The following LRRIQ1 variants were observed in gnomAD, a reference collection of about 807,000 sequenced individuals.
The protein encoded by LRRIQ1 is leucine rich repeats and IQ motif containing 1.
LRRIQ1 carries 210 observed loss-of-function variants against 211.9 expected under a neutral mutation model. The ratio of observed to expected loss-of-function variants is 0.99; its 90% CI spans 0.89 to 1.11. LRRIQ1 has a LOEUF of 1.11. LRRIQ1 is among the 50% of genes most tolerant of loss of function. The pLI is 0.00. For missense variants in LRRIQ1, 2,136 were observed against 1,939.5 expected (o/e 1.10, Z -1.90); for synonymous variants, 699 against 650.1 (o/e 1.08, Z -1.14).
intron 8 of LRRIQ1, 72 bp from the exon 9 acceptor site, chr12:85,065,190 G>A (rs986546217): frequency 7.2e-6 from 9 of 1,248,038 alleles, no homozygotes; most frequent in Non-Finnish European, 9.8e-6. Flanking sequence ...AAACAGTTTT[G>A]TAAGGCTAAT....
intron 24 of LRRIQ1, among the ~76,000 whole-genome samples, chr12:85,201,036 G>T (rs1220142368): frequency 3.3e-5 from 5 of 151,028 alleles, no homozygotes; most frequent in Non-Finnish European, 7.4e-5. Context: ...TCACCATGTT[G>T]GCCAGGCTGG....
intron 24 of LRRIQ1, among the ~76,000 whole-genome samples, chr12:85,208,572 T>C (rs571519340): frequency 1.3e-5 from 2 of 152,264 alleles, no homozygotes; most frequent in South Asian, 4.1e-4. Context: ...GAAATAAGTA[T>C]CTTTAGTTTA....
At chr12:85,129,611 A>G (rs1415764047) in intron 18 of LRRIQ1, among the ~76,000 whole-genome samples, 1 of 152,206 alleles carries the variant, frequency 6.6e-6, no homozygotes, top group Non-Finnish European at 1.5e-5. Flanking sequence ...GCCATTCGAT[A>G]TCTGTGGGAA....
chr12:85,241,163 A>G (rs1037370405), intron 26 of LRRIQ1, among the ~76,000 whole-genome samples: 10 of 152,058 alleles, frequency 6.6e-5, no homozygotes, highest in African/African-American at 1.9e-4. Flanking sequence ...TCATTGAGGC[A>G]TGCTGGGTGT....
At chr12:85,134,714 G>A (rs968645358) in intron 18 of LRRIQ1, among the ~76,000 whole-genome samples, 3 of 151,908 alleles carry the variant, frequency 2.0e-5, no homozygotes, top group African/African-American at 7.2e-5. Flanking sequence ...TAATTTTATT[G>A]ATTGTAAGAA....
Position 85,118,653 on chromosome 12 carries a change from A to G in LRRIQ1, c.3378-3044A>G, listed in dbSNP as rs924873184. ...GTTGGCCCTAGGCATTTTTGCCTTC[A>G]TGGGCCACTTCTTTTGTAATACATA... On this transcript the variant is annotated intron_variant, in intron 15 of 26. Transcript: ENST00000393217. 3.9e-5 allele frequency among the ~76,000 whole-genome samples: 6 copies of G among 151,938 alleles called. No homozygotes were observed. The East Asian group carries it at 7.7e-4, about 20-fold the overall frequency.
At chr12:85,253,231 G>A (rs1477046610) in intron 1 of LRRIQ1, among the ~76,000 whole-genome samples, 1 of 152,002 alleles carries the variant, frequency 6.6e-6, no homozygotes, top group African/African-American at 2.4e-5. Flanking sequence ...TGGGTGAGAA[G>A]GGTGTATTCT....
rs551152777 is a variant in LRRIQ1, at chr12:85,125,035, C to T, written c.4007+516C>T. Among the ~76,000 whole-genome samples, 7 of 152,024 alleles carry T rather than the reference C, an allele frequency of 4.6e-5. No individual in the cohort carries two copies. The South Asian group carries it at 1.0e-3, about 23-fold the overall frequency. On this transcript the variant is annotated intron_variant, in intron 17 of 26. Transcript: ENST00000393217. ...CTACTAAAAAATACAAAAAATTAGC[C>T]GGGCGTTGTGGCGGGTGCCTGTAGT...
chr12:85,229,278 G>C (rs1894817597), intron 24 of LRRIQ1, among the ~76,000 whole-genome samples: 1 of 151,952 alleles, frequency 6.6e-6, no homozygotes, highest in African/African-American at 2.4e-5. Context: ...CCCTATAAAT[G>C]GTGATTGATT....
intron 13 of LRRIQ1, among the ~76,000 whole-genome samples, chr12:85,099,356 A>G (rs1886164753): frequency 6.6e-6 from 1 of 151,842 alleles, no homozygotes; most frequent in South Asian, 2.1e-4. Context: ...CATTCTCTCA[A>G]ATGGTACTTA....
intron 8 of LRRIQ1, among the ~76,000 whole-genome samples, chr12:85,058,877 G>C (rs1363337648): frequency 6.6e-6 from 1 of 151,892 alleles, no homozygotes; most frequent in Non-Finnish European, 1.5e-5. Context: ...GTTCTAAAGG[G>C]CACCATAATC....
intron 24 of LRRIQ1, among the ~76,000 whole-genome samples, chr12:85,192,659 A>G (rs1565894273): frequency 0.017 from 1,334 of 80,074 alleles, 238 homozygotes; most frequent in African/African-American, 0.047. Flanking sequence ...CTATAATTAT[A>G]AATATATAGT....
chr12:85,252,309 T>C (rs1156921325), intron 1 of LRRIQ1, among the ~76,000 whole-genome samples: 3 of 151,934 alleles, frequency 2.0e-5, no homozygotes, highest in Non-Finnish European at 2.9e-5. Context: ...CCCTATCTCA[T>C]AGAATGGCAT....
At chr12:85,215,603 G>A (rs1444132749) in intron 24 of LRRIQ1, among the ~76,000 whole-genome samples, 2 of 151,904 alleles carry the variant, frequency 1.3e-5, no homozygotes, top group Non-Finnish European at 2.9e-5. Context: ...AACATTATCG[G>A]GTTTTCTGTT....
At chr12:85,193,023 T>C (rs1202282328) in intron 24 of LRRIQ1, among the ~76,000 whole-genome samples, 1 of 101,558 alleles carries the variant, frequency 9.8e-6, no homozygotes, top group Non-Finnish European at 1.8e-5. Flanking sequence ...TTATATAATA[T>C]ATTTATTATA....
intron 24 of LRRIQ1, among the ~76,000 whole-genome samples, chr12:85,163,598 T>C (rs916724076): frequency 5.3e-5 from 8 of 152,168 alleles, no homozygotes; most frequent in African/African-American, 1.9e-4. Context: ...GTTGACTATA[T>C]GGGGTTTCCA....
At chr12:85,210,387 C>T (rs1409575147) in intron 24 of LRRIQ1, among the ~76,000 whole-genome samples, 1 of 152,120 alleles carries the variant, frequency 6.6e-6, no homozygotes, top group African/African-American at 2.4e-5. Flanking sequence ...TTCCACGCTG[C>T]AAAAGGATGA....
In LRRIQ1 at chr12:85,182,143, A is replaced by C. The variant is rs567204119; in HGVS notation, c.4822+21429A>C. 5.9e-5 allele frequency among the ~76,000 whole-genome samples: 9 copies of C among 152,242 alleles called. No homozygotes were observed. In the South Asian group the frequency reaches 1.9e-3, roughly 32 times the overall value. The stretch of plus-strand genomic sequence containing the variant: ...ATTTGAACATGTTCCCAAAAAAGTC[A>C]ATGAAAATCTTCCCCTTTTGTACCA... On this transcript the variant is annotated intron_variant, in intron 24 of 26. Transcript: ENST00000393217.
chr12:85,229,556 A>G lies in LRRIQ1; in HGVS notation c.4862A>G (p.Asn1621Ser). The part of the protein sequence containing the change: ...EDPIHKDTTA[N>S]EKLERNREYT... ...CCTATCCACAAAGATACCACTGCAA[A>G]TGAAAAATTAGAACGGAATAGAGAA... The change falls in exon 25 of 27, where the codon AAT (asparagine) becomes AGT (serine). Residue 1621 changes from asparagine (N) to serine (S), a missense_variant. Physicochemically the swap from Asn to Ser is conservative, Grantham distance 46 (BLOSUM62 1). Transcript: ENST00000393217. The G allele has an allele frequency of 6.2e-7, 1 of 1,612,698 alleles. No individual in the cohort carries two copies. Among genetic ancestry groups the G allele is most frequent in the South Asian group, 1.1e-5 (1 of 90,920 alleles).
Sources: allele counts gnomAD v4.1 joint callset (sites outside exome capture counted in the v4.1 genomes callset), GRCh38; gene constraint gnomAD v4.1.1; transcripts MANE v1.5; gene names NCBI Gene and HGNC (gene_info 2026-07-23, HGNC 2026-07-21).